The following PDE10A variants were observed in gnomAD, a reference collection of about 807,000 sequenced individuals.
PDE10A encodes phosphodiesterase 10A.
PDE10A carries 39 observed loss-of-function variants against 97.7 expected under a neutral mutation model. That is an observed-to-expected ratio of 0.40 (90% CI 0.31 to 0.52). The LOEUF (loss-of-function observed/expected upper bound fraction) is 0.52, where lower values mean the gene tolerates loss of function less well. PDE10A is among the 20% of genes least tolerant of loss of function. The probability of loss-of-function intolerance (pLI) is 0.56; values close to 1 mark genes in which losing one functional copy is unlikely to be tolerated. For missense variants in PDE10A, 731 were observed against 1,047.8 expected, an observed-to-expected ratio of 0.70 and a Z score of 4.17; for synonymous variants, 371 against 376.8, an observed-to-expected ratio of 0.98 and a Z score of 0.18.
intron 3 of PDE10A, among the ~76,000 whole-genome samples, chr6:165,480,982 A>T (rs1779574825): frequency 6.6e-6 from 1 of 152,244 alleles, no homozygotes; most frequent in South Asian, 2.1e-4. Context: ...GCATAATGTA[A>T]GAGAATCTTA....
At chr6:165,433,832 A>G (rs923667352) in intron 6 of PDE10A, among the ~76,000 whole-genome samples, 12 of 151,998 alleles carry the variant, frequency 7.9e-5, no homozygotes, top group African/African-American at 2.7e-4. Context: ...TGGCTAACAC[A>G]GTGAAACACC....
At chr6:165,948,132 G>T (rs1000080891) in intron 1 of PDE10A, 42 of 150,838 alleles carry the variant, frequency 2.8e-4, no homozygotes, top group African/African-American at 1.0e-3. Context: ...GAGAGTGTCT[G>T]TGTGTGTGTG....
At chr6:165,917,367 A>G (rs977031740) in intron 1 of PDE10A, among the ~76,000 whole-genome samples, 1 of 152,186 alleles carries the variant, frequency 6.6e-6, no homozygotes, top group Non-Finnish European at 1.5e-5. Context: ...TCTAGAAGGC[A>G]CACATCACCT....
intron 1 of PDE10A, among the ~76,000 whole-genome samples, chr6:165,966,811 T>A (rs540109695): frequency 2.2e-4 from 34 of 152,342 alleles, no homozygotes; most frequent in South Asian, 8.3e-4. Context: ...TGTGTTTATA[T>A]TCTGATTTTA....
intron 3 of PDE10A, among the ~76,000 whole-genome samples, chr6:165,454,730 C>T (rs1431463905): frequency 4.6e-5 from 7 of 152,152 alleles, no homozygotes; most frequent in Non-Finnish European, 7.4e-5. Flanking sequence ...TTATAAATTT[C>T]CTAGTCTGTA....
chr6:165,864,114 C>T (rs2498580), intron 1 of PDE10A, among the ~76,000 whole-genome samples: 100,242 of 152,000 alleles, frequency 0.66, 33,590 homozygotes, highest in East Asian at 0.93. Flanking sequence ...CATTGTGTAC[C>T]GCAAATCTAT....
intron 1 of PDE10A, among the ~76,000 whole-genome samples, chr6:165,943,231 GAAA>G (rs1562809803): frequency 0.028 from 1,505 of 52,874 alleles, 9 homozygotes; most frequent in East Asian, 0.036. Flanking sequence ...AAGAAAGAAA[GAAA>G]GAAGGAAGGA....
At chr6:165,412,089 T>C (rs996168352) in intron 13 of PDE10A, among the ~76,000 whole-genome samples, 3 of 151,982 alleles carry the variant, frequency 2.0e-5, no homozygotes, top group Non-Finnish European at 2.9e-5. Flanking sequence ...TGATCACATA[T>C]GTGATAATAC....
At chr6:165,569,155 C>T (rs1165815172) in intron 1 of PDE10A, among the ~76,000 whole-genome samples, 2 of 152,258 alleles carry the variant, frequency 1.3e-5, no homozygotes, top group Non-Finnish European at 2.9e-5. Context: ...GTTAATTTCA[C>T]TTACTTTTTT....
At chr6:165,557,746 A>C (rs1298075960) in intron 1 of PDE10A, among the ~76,000 whole-genome samples, 1 of 152,148 alleles carries the variant, frequency 6.6e-6, no homozygotes, top group African/African-American at 2.4e-5. Context: ...TCCTCAATGC[A>C]ATGTAATTCA....
rs141386659 is a variant in PDE10A at position 165,654,386 on chromosome 6, G to A, written c.865+7561C>T. On this transcript the variant is annotated intron_variant, in intron 1 of 21. Transcript: ENST00000539869. ...TTCCCCAGGCCCCGCTCTCCTCCTC[G>A]GCTCACTCTCAGGTGGCCACAGTGC... is the stretch of plus-strand genomic sequence containing the variant. 2.4e-3 allele frequency among the ~76,000 whole-genome samples: 357 copies of A among 151,272 alleles called. 1 individual carries two copies. The highest frequency in any genetic ancestry group is 3.5e-3 in the Non-Finnish European group (237 of 67,854).
At chr6:165,554,953 G>A (rs1784179270) in intron 1 of PDE10A, among the ~76,000 whole-genome samples, 1 of 152,052 alleles carries the variant, frequency 6.6e-6, no homozygotes, top group Admixed American at 6.6e-5. Flanking sequence ...TTTATTTGTG[G>A]GATCTAAAAA....
At position 165,623,780 on chromosome 6, in the gene PDE10A, C is replaced by A. The variant is rs754572090; in HGVS notation, c.865+38167G>T. 3.3e-5 allele frequency among the ~76,000 whole-genome samples: 5 copies of A among 152,082 alleles called. No homozygotes were observed. The South Asian group carries it at 1.0e-3, about 32-fold the overall frequency. On this transcript the variant is annotated intron_variant, in intron 1 of 21. Transcript: ENST00000539869. ...CCAATATGGTCCTTTTAGAAACACT[C>A]TCTTCCTGACCCCAATCATGAATAT...
intron 1 of PDE10A, among the ~76,000 whole-genome samples, chr6:165,770,955 C>T (rs6919729): frequency 0.5 from 76,654 of 152,028 alleles, 21,628 homozygotes; most frequent in African/African-American, 0.77. Flanking sequence ...TGGGACCCCT[C>T]CTGTCCCTCT....
chr6:165,834,403 G>A (rs1009880856), intron 1 of PDE10A, among the ~76,000 whole-genome samples: 5 of 152,232 alleles, frequency 3.3e-5, no homozygotes, highest in East Asian at 1.9e-4. Context: ...TGGGGGTGAC[G>A]CTGGCTAGTG....
intron 1 of PDE10A, among the ~76,000 whole-genome samples, chr6:165,751,013 G>A (rs890664999): frequency 6.6e-6 from 1 of 152,202 alleles, no homozygotes; most frequent in Non-Finnish European, 1.5e-5. Flanking sequence ...CCTTGTAGGG[G>A]TTCAAAGAAG....
chr6:165,450,216 T>C (rs751775901), intron 4 of PDE10A, 26 bp downstream of exon 4: 102 of 1,504,032 alleles, frequency 6.8e-5, no homozygotes, highest in Non-Finnish European at 8.9e-5. Flanking sequence ...CCATTTTTTC[T>C]AACAGGAACA....
chr6:165,511,181 G>T (rs901951401), intron 2 of PDE10A, among the ~76,000 whole-genome samples: 1 of 151,798 alleles, frequency 6.6e-6, no homozygotes, highest in African/African-American at 2.4e-5. Flanking sequence ...TTCCCTGTTA[G>T]TACTGCTTTT....
At chr6:165,767,013 C>T (rs1777871064) in intron 1 of PDE10A, among the ~76,000 whole-genome samples, 1 of 152,194 alleles carries the variant, frequency 6.6e-6, no homozygotes, top group Admixed American at 6.5e-5. Context: ...AAATAACAGG[C>T]TTGACTTCTC....
Sources: allele counts gnomAD v4.1 joint callset (sites outside exome capture counted in the v4.1 genomes callset), GRCh38; gene constraint gnomAD v4.1.1; transcripts MANE v1.5; gene names NCBI Gene and HGNC (gene_info 2026-07-23, HGNC 2026-07-21).